Variants in NR2C1 observed in about 807,000 individuals in gnomAD.
The protein encoded by NR2C1 is TR2 nuclear hormone receptor.
A neutral mutation model predicts 74.8 loss-of-function variants in NR2C1; 33 were observed. That is an observed-to-expected ratio of 0.44 (90% confidence interval 0.33 to 0.59). The LOEUF (loss-of-function observed/expected upper bound fraction) is 0.59, where lower values mean the gene tolerates loss of function less well. Among genes scored for constraint, NR2C1 ranks in the 20% least tolerant of loss-of-function variants. NR2C1 has a pLI of 0.02. For synonymous variants in NR2C1, 225 were observed against 240.6 expected (o/e 0.94, Z 0.60); for missense variants, 568 against 715.6 (o/e 0.79, Z 2.35).
At chr12:95,031,599 T>C (rs1234256938) in intron 10 of NR2C1, 111 bp from the exon 11 acceptor site, 2 of 746,416 alleles carry the variant, frequency 2.7e-6, no homozygotes, top group Non-Finnish European at 3.9e-6. Flanking sequence ...CTAAAATTAT[T>C]CTAGAAAGAT....
At chr12:95,067,425 C>T (rs760866400) in intron 1 of NR2C1, 34 bp from the exon 2 acceptor site, 11 of 1,389,532 alleles carry the variant, frequency 7.9e-6, no homozygotes, top group Middle Eastern at 1.8e-4. Context: ...TATAATTAAA[C>T]TCACAAAACA....
chr12:95,028,603 AG>A, intron 11 of NR2C1, 79 bp from the exon 12 acceptor site: 1 of 1,106,364 alleles, frequency 9.0e-7, no homozygotes. Flanking sequence ...TTTCCCTCTC[AG>A]GAATTTTGAA....
intron 9 of NR2C1, among the ~76,000 whole-genome samples, chr12:95,047,394 C>T (rs943323113): frequency 1.3e-5 from 2 of 151,848 alleles, no homozygotes; most frequent in African/African-American, 4.8e-5. Context: ...TAATTTTTTC[C>T]ATGTAAATTA....
At chr12:95,068,541 T>G (rs906657588) in intron 1 of NR2C1, among the ~76,000 whole-genome samples, 4 of 152,168 alleles carry the variant, frequency 2.6e-5, no homozygotes, top group African/African-American at 9.7e-5. Context: ...ACATCTGTAT[T>G]CCTAGCACTA....
chr12:95,049,190 T>C lies in NR2C1; in HGVS notation c.1009A>G (p.Thr337Ala), dbSNP rs374324250. 6.2e-7 allele frequency: 1 copy of C among 1,614,168 alleles called. No individual in the cohort carries two copies. Among genetic ancestry groups the C allele is most frequent in the East Asian group, 2.2e-5 (1 of 44,886 alleles). ...CCCGCTACTGAGCTCTGGCAGGCTG[T>C]GCTCTCTCCAGGATTCAATGCTTTT... ...LAKALNPGESTACQSSVAGME... is the reference protein window; with the variant it reads ...LAKALNPGESAACQSSVAGME... Residue 337 changes from threonine (T) to alanine (A), a missense_variant, in exon 9 of 14, where the codon ACA becomes GCA. Transcript: ENST00000333003.
At chr12:95,069,207 T>A (rs932641523) in intron 1 of NR2C1, among the ~76,000 whole-genome samples, 2 of 152,170 alleles carry the variant, frequency 1.3e-5, no homozygotes, top group East Asian at 3.8e-4. Context: ...TCAACACCAG[T>A]GTATTGGTGC....
At chr12:95,057,152 G>C (rs1456036306) in intron 7 of NR2C1, among the ~76,000 whole-genome samples, 2 of 143,314 alleles carry the variant, frequency 1.4e-5, no homozygotes, top group Admixed American at 7.1e-5. Flanking sequence ...TTGCCCAGGC[G>C]GGAGTGCAAT....
chr12:95,029,824 T>C (rs149733659), intron 11 of NR2C1, among the ~76,000 whole-genome samples: 7,524 of 152,286 alleles, frequency 0.049, 244 homozygotes, highest in Middle Eastern at 0.095. Flanking sequence ...CTCAAAGTGC[T>C]GGGATTACAG....
chr12:95,023,216 C>CA (rs1451355871), intron 13 of NR2C1, among the ~76,000 whole-genome samples: 1 of 151,954 alleles, frequency 6.6e-6, no homozygotes, highest in Non-Finnish European at 1.5e-5. Flanking sequence ...ACTAAAAATA[C>CA]AAAAAATAAT....
chr12:95,060,157 A>G (rs1874575017), intron 3 of NR2C1, among the ~76,000 whole-genome samples, 173 bp from the exon 4 acceptor site: 1 of 152,154 alleles, frequency 6.6e-6, no homozygotes, highest in African/African-American at 2.4e-5. Flanking sequence ...ACCTTTCCAC[A>G]TGTAATGACG....
intron 10 of NR2C1, among the ~76,000 whole-genome samples, chr12:95,038,140 G>A (rs1001171183): frequency 6.6e-5 from 10 of 152,146 alleles, no homozygotes; most frequent in Non-Finnish European, 1.5e-5. Context: ...CATTGAAACT[G>A]ATTCTCAATA....
In NR2C1 at chr12:95,049,111, T is replaced by C; in HGVS notation, c.1088A>G (p.Glu363Gly). Residue 363 changes from glutamate to glycine, a missense_variant, in exon 9 of 14, where the codon GAA becomes GGA. Physicochemically the swap from Glu to Gly is moderately conservative, Grantham distance 98. Around this residue, in one of 6 missense-constraint regions of NR2C1, gnomAD observed 239 missense variants for 232.3 expected, o/e 1.03. Transcript: ENST00000333003. ...ITGDSSINYT[E>G]KEGPLLSDSH... is the part of the protein sequence containing the mutation. ...ATCGCTGAGAAGTGGCCCCTCTTTT[T>C]CGGTGTAATTTATGCTTGAATCTCC... is the stretch of plus-strand genomic sequence containing the variant. 2 of 1,614,092 alleles carry C rather than the reference T, an allele frequency of 1.2e-6. No individual in the cohort carries two copies. Among genetic ancestry groups the C allele is most frequent in the South Asian group, 2.2e-5 (2 of 91,078 alleles).
intron 2 of NR2C1, 165 bp from the exon 3 acceptor site, chr12:95,062,903 A>G: frequency 4.9e-6 from 3 of 617,620 alleles, no homozygotes; most frequent in Non-Finnish European, 5.7e-6. Context: ...GAAATAAACA[A>G]ATGTGCAAAC....
In NR2C1 at chr12:95,067,315, C is replaced by T. The variant is rs1000217476; in HGVS notation, c.54+16G>A. On this transcript the variant is annotated intron_variant, in intron 2 of 13. Transcript: ENST00000333003. Reference sequence around the variant, plus strand: ...AAGTTTGGTGGGCCAGTGCATCAACCGTAAACTAGACATACCTCTCCCATC... The same window carrying T: ...AAGTTTGGTGGGCCAGTGCATCAACTGTAAACTAGACATACCTCTCCCATC... 26 of 1,611,068 alleles carry T rather than the reference C, an allele frequency of 1.6e-5. No individual in the cohort carries two copies. The highest frequency in any genetic ancestry group is 6.6e-5 in the South Asian group (6 of 90,900).
At chr12:95,049,870 A>T (rs1408067254) in intron 8 of NR2C1, among the ~76,000 whole-genome samples, 1 of 152,142 alleles carries the variant, frequency 6.6e-6, no homozygotes, top group Non-Finnish European at 1.5e-5. Context: ...ATCATGGCTC[A>T]CTGTAATCCT....
chr12:95,070,472 C>A (rs1425613282), intron 1 of NR2C1, among the ~76,000 whole-genome samples: 1 of 152,176 alleles, frequency 6.6e-6, no homozygotes, highest in African/African-American at 2.4e-5. Context: ...GAAGGTTAGA[C>A]TGTTTTAACC....
chr12:95,033,437 A>C (rs1870408826), intron 10 of NR2C1, among the ~76,000 whole-genome samples: 1 of 152,148 alleles, frequency 6.6e-6, no homozygotes, highest in Non-Finnish European at 1.5e-5. Context: ...AAAACAAACA[A>C]ACACAAAAAC....
At chr12:95,050,937 T>C (rs1411992378) in intron 8 of NR2C1, among the ~76,000 whole-genome samples, 1 of 152,180 alleles carries the variant, frequency 6.6e-6, no homozygotes, top group Non-Finnish European at 1.5e-5. Flanking sequence ...ATCAATATGA[T>C]TGCCTAGAAA....
chr12:95,052,757 T>G (rs2136160855), intron 7 of NR2C1, among the ~76,000 whole-genome samples: 1 of 152,276 alleles, frequency 6.6e-6, no homozygotes, highest in Admixed American at 6.5e-5. Context: ...TAAACTTGTA[T>G]GGAATATGAA....
Sources: gnomAD v4.1 joint callset for allele counts (sites outside exome capture counted in the v4.1 genomes callset) on GRCh38, gnomAD v4.1.1 for gene constraint, gnomAD v4.1.1 regional missense constraint, MANE v1.5 for transcripts, NCBI Gene and HGNC (gene_info 2026-07-23, HGNC 2026-07-21) for gene names.